Variants in ERBB4 observed in about 807,000 individuals in gnomAD.
The protein encoded by ERBB4 is receptor tyrosine-protein kinase erbB-4.
A neutral mutation model predicts 158.0 loss-of-function variants in ERBB4; 42 were observed. The ratio of observed to expected loss-of-function variants is 0.27; its 90% CI spans 0.21 to 0.34. The LOEUF (loss-of-function observed/expected upper bound fraction) is 0.34. Ranked by LOEUF, ERBB4 falls within the 10% of genes least tolerant of loss-of-function variation. The pLI is 1.00. For synonymous variants in ERBB4, 583 were observed against 558.7 expected, an observed-to-expected ratio of 1.04 and a Z score of -0.61; for missense variants, 1,333 against 1,624.1, an observed-to-expected ratio of 0.82 and a Z score of 3.08.
chr2:211,763,061 G>T (rs916108552), intron 4 of ERBB4, among the ~76,000 whole-genome samples: 3 of 152,112 alleles, frequency 2.0e-5, no homozygotes, highest in African/African-American at 4.8e-5. Flanking sequence ...TGTGGTGTGT[G>T]TGTGTGTGTC....
Position 211,666,692 on chromosome 2 carries a change from T to C in ERBB4, c.1717-1215A>G, listed in dbSNP as rs141680455. Among the ~76,000 whole-genome samples the C allele has an allele frequency of 2.9e-3, 445 of 152,292 alleles. 8 individuals carry two copies. Among genetic ancestry groups the C allele is most frequent in the Admixed American group, 0.027 (411 of 15,280 alleles). ...GCTACCTGAAATGTACTTTTACATC[T>C]CCTTTTTGGACACCATATTGTCTTA... On this transcript the variant is annotated intron_variant, in intron 14 of 27. Coordinates refer to ENST00000342788, the MANE Select transcript of ERBB4 (RefSeq NM_005235.3).
In ERBB4 at chr2:211,870,308, T is replaced by A. The variant is rs541487809; in HGVS notation, c.421+77122A>T. Among the ~76,000 whole-genome samples the A allele has an allele frequency of 4.6e-5, 7 of 152,288 alleles. No homozygotes were observed. In the South Asian group the frequency reaches 1.5e-3, roughly 32 times the overall value. On this transcript the variant is annotated intron_variant, in intron 3 of 27. Coordinates refer to ENST00000342788, the MANE Select transcript of ERBB4 (RefSeq NM_005235.3). Reference sequence around the variant, plus strand: ...GTACAATTCCTTCATAAAAGTGACATCAAGCTTATAAAATGTCTTTACATT... The same window carrying A: ...GTACAATTCCTTCATAAAAGTGACAACAAGCTTATAAAATGTCTTTACATT...
chr2:212,237,166 T>C (rs2083910715), intron 1 of ERBB4, among the ~76,000 whole-genome samples: 1 of 152,204 alleles, frequency 6.6e-6, no homozygotes, highest in Admixed American at 6.5e-5. Flanking sequence ...TTATCACTTT[T>C]GGAATTTTCA....
At chr2:211,996,774 T>C (rs560842674) in intron 2 of ERBB4, among the ~76,000 whole-genome samples, 8 of 152,282 alleles carry the variant, frequency 5.3e-5, no homozygotes, top group South Asian at 2.1e-4. Context: ...CAGTAAATCC[T>C]ATTTTGGTGC....
chr2:212,449,171 A>T lies in ERBB4; in HGVS notation c.82+89278T>A, dbSNP rs201393451. Among the ~76,000 whole-genome samples the T allele has an allele frequency of 1.4e-4, 22 of 152,282 alleles. No homozygotes were observed. The East Asian group carries it at 4.2e-3, about 29-fold the overall frequency. ...CTTCTTTATCATGGAATAGCACAAA[A>T]CATCACCACTATGTATTACTTTGAA... On this transcript the variant is annotated intron_variant, in intron 1 of 27. Transcript: ENST00000342788.
chr2:211,412,064 T>C (rs2063273752), intron 25 of ERBB4, among the ~76,000 whole-genome samples: 1 of 151,086 alleles, frequency 6.6e-6, no homozygotes, highest in African/African-American at 2.4e-5. Flanking sequence ...AAACAGAAGA[T>C]AGGAATTTGA....
intron 3 of ERBB4, among the ~76,000 whole-genome samples, chr2:211,826,836 T>C (rs975557651): frequency 6.6e-6 from 1 of 152,062 alleles, no homozygotes; most frequent in Non-Finnish European, 1.5e-5. Flanking sequence ...AACATTTTAA[T>C]GACATATTTT....
chr2:211,939,732 G>A lies in ERBB4; in HGVS notation c.421+7698C>T, dbSNP rs538410981. On this transcript the variant is annotated intron_variant, in intron 3 of 27. Coordinates refer to ENST00000342788, the MANE Select transcript of ERBB4 (RefSeq NM_005235.3). ...GAAGGCCGAGGCGGGCGGATCACGA[G>A]GTCAGGAGATCGAGACCATCCTGGC... Among the ~76,000 whole-genome samples, 6 of 152,208 alleles carry A rather than the reference G, an allele frequency of 3.9e-5. No homozygotes were observed. The East Asian group carries it at 9.7e-4, about 25-fold the overall frequency.
intron 3 of ERBB4, among the ~76,000 whole-genome samples, chr2:211,875,989 A>G (rs1322314959): frequency 4.6e-5 from 7 of 152,152 alleles, no homozygotes; most frequent in Non-Finnish European, 7.4e-5. Context: ...TTCACAGGAT[A>G]ATGAAATCAC....
rs141594820 is a variant in ERBB4, at chr2:211,673,253, A to T, written c.1627T>A (p.Phe543Ile). 1.1e-4 allele frequency: 180 copies of T among 1,612,594 alleles called. No homozygotes were observed. The highest frequency in any genetic ancestry group is 3.3e-4 in the Middle Eastern group (2 of 6,080). Residue 543 changes from phenylalanine (F) to isoleucine (I), a missense_variant, in exon 14 of 28, where the codon TTT becomes ATT. Coordinates refer to ENST00000342788, the MANE Select transcript of ERBB4 (RefSeq NM_005235.3). ...ATGGAGCCATTCTCAAACTCCCGAA[A>T]TTCACTGTGAAAACATCAGCCACAT... ...IESCNLYDGE[F>I]REFENGSICV...
intron 12 of ERBB4, among the ~76,000 whole-genome samples, chr2:211,681,755 T>C (rs147197566): frequency 6.6e-6 from 1 of 152,192 alleles, no homozygotes; most frequent in Admixed American, 6.5e-5. Flanking sequence ...ATTCTGCAAC[T>C]ATTTTCTCCC....
At chr2:211,993,875 A>G (rs2125261063) in intron 2 of ERBB4, among the ~76,000 whole-genome samples, 1 of 151,816 alleles carries the variant, frequency 6.6e-6, no homozygotes, top group East Asian at 1.9e-4. Flanking sequence ...AATTAGATTC[A>G]GTGTGCTACA....
chr2:211,795,517 G>A (rs540624468), intron 3 of ERBB4, among the ~76,000 whole-genome samples: 1 of 151,804 alleles, frequency 6.6e-6, no homozygotes, highest in African/African-American at 2.4e-5. Context: ...AAAGAGTATA[G>A]ACATTTTTTT....
At chr2:211,904,789 T>C (rs2079332479) in intron 3 of ERBB4, among the ~76,000 whole-genome samples, 1 of 152,112 alleles carries the variant, frequency 6.6e-6, no homozygotes, top group African/African-American at 2.4e-5. Context: ...CAGAGAACAA[T>C]TACCTTCACT....
rs201760083 is a variant in ERBB4, at chr2:212,324,435, GA to G, written c.83-199533del. 3.4e-3 allele frequency among the ~76,000 whole-genome samples: 499 copies of G among 148,586 alleles called. 19 individuals are homozygous for G. The highest frequency in any genetic ancestry group is 0.011 in the African/African-American group (466 of 40,960). On this transcript the variant is annotated intron_variant, in intron 1 of 27. Coordinates refer to ENST00000342788, the MANE Select transcript of ERBB4 (RefSeq NM_005235.3). ...ACCCAATCATTGTGTTTAACATTGAGAGTATAACGAAACCATGAACAGCTTA... is the reference window on the plus strand; with the variant it reads ...ACCCAATCATTGTGTTTAACATTGAGGTATAACGAAACCATGAACAGCTTA...
At chr2:212,537,256 C>T (rs999220384) in intron 1 of ERBB4, among the ~76,000 whole-genome samples, 4 of 152,038 alleles carry the variant, frequency 2.6e-5, no homozygotes, top group African/African-American at 9.7e-5. Context: ...GCTTTATCAC[C>T]TCAAGCTACT....
chr2:211,587,106 C>T (rs1242987984), intron 19 of ERBB4, among the ~76,000 whole-genome samples: 1 of 151,904 alleles, frequency 6.6e-6, no homozygotes, highest in African/African-American at 2.4e-5. Context: ...ATAAGACACC[C>T]TGCAGGGAGA....
At chr2:211,527,946 G>T (rs2066395340) in intron 20 of ERBB4, among the ~76,000 whole-genome samples, 1 of 151,838 alleles carries the variant, frequency 6.6e-6, no homozygotes, top group Non-Finnish European at 1.5e-5. Flanking sequence ...AAGAAGGAAA[G>T]AAGAAAAAGA....
intron 1 of ERBB4, among the ~76,000 whole-genome samples, chr2:212,512,837 A>G (rs1459415173): frequency 6.6e-6 from 1 of 152,198 alleles, no homozygotes; most frequent in Non-Finnish European, 1.5e-5. Flanking sequence ...AAAAGCCCCT[A>G]GCAGAACATG....
Sources: allele counts gnomAD v4.1 joint callset (sites outside exome capture counted in the v4.1 genomes callset), GRCh38; gene constraint gnomAD v4.1.1; transcripts MANE v1.5; gene names NCBI Gene and HGNC (gene_info 2026-07-23, HGNC 2026-07-21).